RUNX1T1: variants seen among roughly 807,000 people sequenced by gnomAD.
RUNX1T1 encodes the protein protein CBFA2T1.
In RUNX1T1, 4 loss-of-function variants were observed where a neutral mutation model predicts 62.8. That is an observed-to-expected ratio of 0.06 (90% CI 0.03 to 0.15). The LOEUF (loss-of-function observed/expected upper bound fraction) is 0.15. RUNX1T1 is among the 10% of genes least tolerant of loss of function. The probability of loss-of-function intolerance (pLI) is 1.00; values close to 1 mark genes in which losing one functional copy is unlikely to be tolerated. For missense variants in RUNX1T1, 508 were observed against 754.3 expected, an observed-to-expected ratio of 0.67 and a Z score of 3.82; for synonymous variants, 291 against 286.0, an observed-to-expected ratio of 1.02 and a Z score of -0.18.
At chr8:92,036,497 C>G (rs146923449) in intron 1 of RUNX1T1, among the ~76,000 whole-genome samples, 1 of 152,198 alleles carries the variant, frequency 6.6e-6, no homozygotes, top group Non-Finnish European at 1.5e-5. Flanking sequence ...CAGAAGACCA[C>G]TGTGATCGTC....
chr8:91,963,319 C>A (rs1810917318), intron 10 of RUNX1T1, among the ~76,000 whole-genome samples: 1 of 151,962 alleles, frequency 6.6e-6, no homozygotes, highest in African/African-American at 2.4e-5. Context: ...TAGGAAGTTA[C>A]AAAAAGAGCA....
intron 1 of RUNX1T1, among the ~76,000 whole-genome samples, chr8:92,018,183 G>T (rs28716374): frequency 0.25 from 38,020 of 152,040 alleles, 5,230 homozygotes; most frequent in African/African-American, 0.37. Context: ...CAGAACTGCT[G>T]TAAGTATACT....
At chr8:91,978,772 A>C (rs1814542466) in intron 8 of RUNX1T1, among the ~76,000 whole-genome samples, 1 of 152,122 alleles carries the variant, frequency 6.6e-6, no homozygotes, top group Non-Finnish European at 1.5e-5. Context: ...GGCTCAATTG[A>C]CCTTCCACCT....
At chr8:92,095,643 C>T in intron 1 of RUNX1T1, 2 of 1,251,162 alleles carry the variant, frequency 1.6e-6, no homozygotes, top group Non-Finnish European at 2.1e-6. Flanking sequence ...CAGAAAGGGA[C>T]AGGCAGGAGG....
intron 1 of RUNX1T1, among the ~76,000 whole-genome samples, chr8:92,060,553 A>ATTTGTGTGTGTG: frequency 1.6e-5 from 1 of 63,948 alleles, no homozygotes; most frequent in Non-Finnish European, 3.3e-5. Context: ...ATATATATAT[A>ATTTGTGTGTGTG]TGTGTGTGTG....
intron 8 of RUNX1T1, among the ~76,000 whole-genome samples, chr8:91,976,371 G>C (rs1388412325): frequency 2.6e-5 from 4 of 152,144 alleles, no homozygotes; most frequent in Non-Finnish European, 4.4e-5. Context: ...CAAATGTTCA[G>C]GTAATGTAAT....
At chr8:92,088,307 A>T (rs1465161189) in intron 1 of RUNX1T1, among the ~76,000 whole-genome samples, 1 of 152,254 alleles carries the variant, frequency 6.6e-6, no homozygotes, top group African/African-American at 2.4e-5. Flanking sequence ...ACATATGCAT[A>T]GACTCAGAAA....
At chr8:92,048,693 C>T (rs1408657418) in intron 1 of RUNX1T1, among the ~76,000 whole-genome samples, 1 of 151,714 alleles carries the variant, frequency 6.6e-6, no homozygotes, top group Non-Finnish European at 1.5e-5. Flanking sequence ...TACATTGTAT[C>T]TCGTATATCC....
chr8:92,097,733 T>C (rs1014872033), intron 1 of RUNX1T1, among the ~76,000 whole-genome samples: 1 of 152,208 alleles, frequency 6.6e-6, no homozygotes, highest in Non-Finnish European at 1.5e-5. Flanking sequence ...AATCTGCCAG[T>C]GGTCTTATTT....
exon 11 of RUNX1T1, chr8:91,960,515 A>G: frequency 6.2e-7 from 1 of 1,613,774 alleles, no homozygotes; most frequent in Non-Finnish European, 8.5e-7. Context: ...AATTCCAGCA[A>G]CTCTAAAGGA....
At chr8:92,032,248 T>C (rs1307967863) in intron 1 of RUNX1T1, among the ~76,000 whole-genome samples, 3 of 151,142 alleles carry the variant, frequency 2.0e-5, no homozygotes, top group Admixed American at 6.6e-5. Context: ...GAATTTAGTA[T>C]ACAATAATTT....
chr8:92,039,627 T>C (rs1424350649), intron 1 of RUNX1T1, among the ~76,000 whole-genome samples: 1 of 152,190 alleles, frequency 6.6e-6, no homozygotes, highest in Non-Finnish European at 1.5e-5. Context: ...ACCTTGCCAT[T>C]GAGTATCTCT....
chr8:92,062,484 T>G (rs1475065997), intron 1 of RUNX1T1: 1 of 1,535,082 alleles, frequency 6.5e-7, no homozygotes, highest in Non-Finnish European at 9.0e-7. Flanking sequence ...TTTCCATGCA[T>G]AATAGAAAGT....
intron 1 of RUNX1T1, among the ~76,000 whole-genome samples, chr8:92,023,103 A>G (rs13250170): frequency 0.26 from 40,068 of 152,042 alleles, 6,027 homozygotes; most frequent in African/African-American, 0.41. Context: ...GGGCCATGAA[A>G]GGAGGTCTAC....
intron 2 of RUNX1T1, among the ~76,000 whole-genome samples, 164 bp downstream of exon 3, chr8:92,017,062 T>A (rs577275689): frequency 6.6e-6 from 1 of 152,358 alleles, no homozygotes; most frequent in African/African-American, 2.4e-5. Flanking sequence ...CTATGATACT[T>A]CTGTGCTCAG....
intron 1 of RUNX1T1, among the ~76,000 whole-genome samples, chr8:92,029,759 TA>T (rs1162419863): frequency 6.6e-6 from 1 of 152,132 alleles, no homozygotes; most frequent in African/African-American, 2.4e-5. Context: ...GCAATCTGTT[TA>T]CATGAAACAA....
At chr8:92,008,674 T>C (rs956860257) in intron 4 of RUNX1T1, among the ~76,000 whole-genome samples, 2 of 152,202 alleles carry the variant, frequency 1.3e-5, no homozygotes, top group Non-Finnish European at 2.9e-5. Context: ...AAGCATTCGC[T>C]GGCTCCCATC....
At chr8:91,984,478 T>C (rs1816121497) in intron 8 of RUNX1T1, among the ~76,000 whole-genome samples, 1 of 152,200 alleles carries the variant, frequency 6.6e-6, no homozygotes, top group South Asian at 2.1e-4. Flanking sequence ...CTTCTTCCAC[T>C]AGACCCAAAG....
intron 10 of RUNX1T1, among the ~76,000 whole-genome samples, chr8:91,964,261 T>C (rs577121989): frequency 5.3e-5 from 8 of 152,322 alleles, no homozygotes; most frequent in Admixed American, 2.0e-4. Flanking sequence ...CGTACAGGCA[T>C]ATATCCCTTC....
Sources: allele counts gnomAD v4.1 joint callset (sites outside exome capture counted in the v4.1 genomes callset), GRCh38; gene constraint gnomAD v4.1.1; transcripts MANE v1.5; gene names NCBI Gene and HGNC (gene_info 2026-07-23, HGNC 2026-07-21).